TCF4: variants seen among roughly 807,000 people sequenced by gnomAD.
The protein encoded by TCF4 is transcription factor 4, also known as SL3-3 enhancer factor 2.
In TCF4, 3 loss-of-function variants were observed where a neutral mutation model predicts 82.1. The observed-to-expected ratio is 0.04, with a 90% CI of 0.02 to 0.09. The LOEUF (loss-of-function observed/expected upper bound fraction) is 0.09, where lower values mean the gene tolerates loss of function less well. TCF4 is among the 10% of genes least tolerant of loss of function. The probability of loss-of-function intolerance (pLI) is 1.00; values close to 1 mark genes in which losing one functional copy is unlikely to be tolerated. For synonymous variants in TCF4, 276 were observed against 309.6 expected (o/e 0.89, Z 1.14); for missense variants, 518 against 852.7 (o/e 0.61, Z 4.89).
At chr18:55,590,200 C>T (rs1395106055), upstream of TCF4, among the ~76,000 whole-genome samples, 1 of 152,214 alleles carries the variant, frequency 6.6e-6, no homozygotes, top group Non-Finnish European at 1.5e-5. Flanking sequence ...AAAGACTGGG[C>T]CGGCCTCACT....
At chr18:55,619,097 T>C (rs1342066080) in intron 2 of TCF4, among the ~76,000 whole-genome samples, 1 of 152,166 alleles carries the variant, frequency 6.6e-6, no homozygotes, top group Admixed American at 6.6e-5. Context: ...CTATCTGGAT[T>C]TGTGGTCCTG....
At chr18:55,359,664 C>A (rs899136359) in intron 6 of TCF4, among the ~76,000 whole-genome samples, 1 of 152,208 alleles carries the variant, frequency 6.6e-6, no homozygotes, top group Non-Finnish European at 1.5e-5. Context: ...TCAGTCTTGT[C>A]CTCAGCGTTC....
chr18:55,282,943 A>G (rs961725812), intron 8 of TCF4, among the ~76,000 whole-genome samples: 2 of 152,158 alleles, frequency 1.3e-5, no homozygotes, highest in African/African-American at 2.4e-5. Flanking sequence ...TTGGAAATGG[A>G]AAGACTTGGT....
intron 6 of TCF4, among the ~76,000 whole-genome samples, chr18:55,364,170 C>G (rs2145306896): frequency 6.6e-6 from 1 of 152,186 alleles, no homozygotes; most frequent in Non-Finnish European, 1.5e-5. Flanking sequence ...AAGCATATGC[C>G]TTCTGACTTA....
At chr18:55,303,925 A>T (rs564669143) in intron 8 of TCF4, among the ~76,000 whole-genome samples, 2 of 152,304 alleles carry the variant, frequency 1.3e-5, no homozygotes, top group African/African-American at 4.8e-5. Flanking sequence ...CCTCTACCAC[A>T]ACCTTCTCAC....
intron 5 of TCF4, among the ~76,000 whole-genome samples, chr18:55,419,051 C>T (rs753420823): frequency 1.3e-5 from 2 of 152,102 alleles, no homozygotes; most frequent in South Asian, 2.1e-4. Context: ...TTAAAATGTC[C>T]AGATGGTAAA....
chr18:55,468,089 G>C (rs1405789401), intron 3 of TCF4, among the ~76,000 whole-genome samples: 1 of 152,174 alleles, frequency 6.6e-6, no homozygotes, highest in Admixed American at 6.5e-5. Context: ...CCCACGCAGA[G>C]TGAATATATT....
intron 5 of TCF4, among the ~76,000 whole-genome samples, chr18:55,432,676 C>A (rs1411736647): frequency 6.6e-6 from 1 of 152,206 alleles, no homozygotes; most frequent in Non-Finnish European, 1.5e-5. Flanking sequence ...ACATGCTACA[C>A]CGATTCTACT....
At chr18:55,480,721 T>A (rs1415068430) in intron 3 of TCF4, among the ~76,000 whole-genome samples, 4 of 152,224 alleles carry the variant, frequency 2.6e-5, no homozygotes, top group Admixed American at 6.5e-5. Context: ...CTAATACAGA[T>A]GTCACTAAAA....
chr18:55,328,284 T>C (rs1321532950), intron 8 of TCF4, among the ~76,000 whole-genome samples: 1 of 152,060 alleles, frequency 6.6e-6, no homozygotes, highest in Non-Finnish European at 1.5e-5. Context: ...ATCTGAAGAC[T>C]AGATGTGATT....
chr18:55,465,160 A>T (rs933635475), intron 3 of TCF4, among the ~76,000 whole-genome samples: 3 of 152,188 alleles, frequency 2.0e-5, no homozygotes, highest in Non-Finnish European at 4.4e-5. Context: ...ACAGAAGTGG[A>T]GGAGGAAGTG....
At chr18:55,548,839 A>G (rs1294403516) in intron 3 of TCF4, among the ~76,000 whole-genome samples, 1 of 152,218 alleles carries the variant, frequency 6.6e-6, no homozygotes, top group Non-Finnish European at 1.5e-5. Context: ...AAGATTGTAC[A>G]CCTATATAGG....
In TCF4 at chr18:55,232,657, G is replaced by A. The variant is rs781382144; in HGVS notation, c.1501C>T (p.Leu501=). 124 of 1,614,170 alleles carry A rather than the reference G, an allele frequency of 7.7e-5. No individual in the cohort carries two copies. The South Asian group carries it at 1.3e-3, about 17-fold the overall frequency. Residue 501 remains leucine (L), a synonymous_variant, in exon 17 of 20, where the codon CTA becomes TTA. Transcript: ENST00000354452. ...QDPYRGMPPG[L]QGQSVSSGSS... is the part of the protein sequence containing the mutation. ...CCAGAGGAGACACTCTGCCCCTGTAGTCCTGGTGGCATGCCTGCCGAAAAA... is the reference window on the plus strand; with the variant it reads ...CCAGAGGAGACACTCTGCCCCTGTAATCCTGGTGGCATGCCTGCCGAAAAA...
rs772957987 is a variant in TCF4 at position 55,222,555 on chromosome 18, C to A, written c.*5480G>T. The A allele has an allele frequency of 1.3e-5, 2 of 152,194 alleles. No individual in the cohort carries two copies. Among genetic ancestry groups the A allele is most frequent in the African/African-American group, 2.4e-5 (1 of 41,352 alleles). 9.4% of individuals were successfully genotyped at this position (152,194 alleles called of 1,614,324 possible). On this transcript the variant is annotated 3_prime_UTR_variant, in exon 20 of 20. Transcript: ENST00000354452. The stretch of plus-strand genomic sequence containing the variant: ...GAACCAAATGGCGTTATAACATTTT[C>A]CTTCAACTAGTCACTAAACCCAATT...
intron 5 of TCF4, among the ~76,000 whole-genome samples, chr18:55,437,612 G>C (rs572481220): frequency 6.6e-6 from 1 of 152,258 alleles, no homozygotes; most frequent in Non-Finnish European, 1.5e-5. Context: ...AAACAAAATT[G>C]ACAATTTTTT....
rs775657966 is a variant in TCF4 at position 55,464,082 on chromosome 18, C to G, written c.201G>C (p.Pro67=). The G allele has an allele frequency of 6.2e-7, 1 of 1,613,598 alleles. No homozygotes were observed. Among genetic ancestry groups the G allele is most frequent in the Non-Finnish European group, 8.5e-7 (1 of 1,179,810 alleles). Residue 67 remains proline, a synonymous_variant, in exon 4 of 20, where the codon CCG becomes CCC. Transcript: ENST00000354452. The part of the protein sequence containing the change: ...GSWGNGGHPS[P]SRNYGDGTPY... The stretch of plus-strand genomic sequence containing the variant: ...AAAGATTAGATATACTTACCCTGGA[C>G]GGGCTTGGATGTCCTCCATTCCCCC...
At chr18:55,235,306 A>G (rs900902969) in intron 15 of TCF4, among the ~76,000 whole-genome samples, 1 of 152,138 alleles carries the variant, frequency 6.6e-6, no homozygotes, top group Non-Finnish European at 1.5e-5. Context: ...GCTGAGTTCC[A>G]AATCCAAAGG....
At chr18:55,635,940 G>A in exon 1 of TCF4, 1 of 1,583,036 alleles carries the variant, frequency 6.3e-7, no homozygotes. Context: ...CTACAAGAAA[G>A]GTGATACTGT....
At chr18:55,410,291 A>T (rs577928718) in intron 5 of TCF4, among the ~76,000 whole-genome samples, 1 of 152,194 alleles carries the variant, frequency 6.6e-6, no homozygotes, top group East Asian at 1.9e-4. Context: ...TTTTGGCTGC[A>T]TTTCATCACT....
Sources: allele counts gnomAD v4.1 joint callset (sites outside exome capture counted in the v4.1 genomes callset), GRCh38; gene constraint gnomAD v4.1.1; transcripts MANE v1.5; gene names NCBI Gene and HGNC (gene_info 2026-07-23, HGNC 2026-07-21).